The following DPP6 variants were observed in gnomAD, a reference collection of about 807,000 sequenced individuals.
DPP6 encodes the protein dipeptidyl peptidase like 6.
DPP6 carries 69 observed loss-of-function variants against 122.6 expected under a neutral mutation model. The ratio of observed to expected loss-of-function variants is 0.56; its 90% CI spans 0.46 to 0.69. The LOEUF is 0.69. Among genes scored for constraint, DPP6 ranks in the 30% least tolerant of loss-of-function variants. The pLI is 0.00. For missense variants in DPP6, 928 were observed against 1,116.9 expected (o/e 0.83, Z 2.41); for synonymous variants, 418 against 433.1 (o/e 0.97, Z 0.43).
At chr7:154,004,727 CATT>C (rs1254660402) in intron 1 of DPP6, among the ~76,000 whole-genome samples, 1 of 151,754 alleles carries the variant, frequency 6.6e-6, no homozygotes, top group African/African-American at 2.4e-5. Context: ...GTCCCTATAA[CATT>C]ATGTGGAATG....
chr7:154,865,145 G>A (rs1803750468), intron 17 of DPP6, among the ~76,000 whole-genome samples: 1 of 152,174 alleles, frequency 6.6e-6, no homozygotes, highest in Admixed American at 6.5e-5. Flanking sequence ...CCCCCCAGCT[G>A]AAGCCCTTTC....
intron 10 of DPP6, among the ~76,000 whole-genome samples, chr7:154,779,051 C>CCCACCACCA (rs1796818589): frequency 1.5e-4 from 1 of 6,634 alleles, no homozygotes; most frequent in Admixed American, 1.9e-3. Flanking sequence ...CACAACTACC[C>CCCACCACCA]CCACCATCAC....
chr7:154,361,308 A>G (rs1041572024), intron 1 of DPP6, among the ~76,000 whole-genome samples: 5 of 152,170 alleles, frequency 3.3e-5, no homozygotes, highest in African/African-American at 7.2e-5. Flanking sequence ...AAGATACCCA[A>G]TAAAGTGTAT....
chr7:153,958,420 A>C (rs1181745357), intron 1 of DPP6, among the ~76,000 whole-genome samples: 1 of 152,090 alleles, frequency 6.6e-6, no homozygotes, highest in Non-Finnish European at 1.5e-5. Flanking sequence ...CACGCATCCT[A>C]TTCTCTTGGG....
chr7:154,358,123 T>C (rs563491070), intron 1 of DPP6, among the ~76,000 whole-genome samples: 1 of 152,296 alleles, frequency 6.6e-6, no homozygotes, highest in South Asian at 2.1e-4. Flanking sequence ...CTAGAGCAGA[T>C]CATCTGTTCT....
intron 10 of DPP6, among the ~76,000 whole-genome samples, chr7:154,780,185 A>G (rs774156293): frequency 6.6e-5 from 10 of 152,212 alleles, no homozygotes; most frequent in Non-Finnish European, 1.2e-4. Flanking sequence ...TGACTAGGGT[A>G]ATGGAGAAGC....
intron 1 of DPP6, among the ~76,000 whole-genome samples, chr7:153,977,196 G>A (rs1372394168): frequency 1.3e-5 from 1 of 79,958 alleles, no homozygotes; most frequent in African/African-American, 5.6e-5. Flanking sequence ...GGTACCAATA[G>A]GGGTGTGTGT....
intron 1 of DPP6, among the ~76,000 whole-genome samples, chr7:154,007,620 A>G (rs1187330281): frequency 2.0e-5 from 3 of 152,200 alleles, no homozygotes; most frequent in Non-Finnish European, 2.9e-5. Flanking sequence ...TTGAGGTCAC[A>G]TAATTAGTTA....
chr7:154,410,357 C>A (rs1816493064), intron 1 of DPP6, among the ~76,000 whole-genome samples: 1 of 152,204 alleles, frequency 6.6e-6, no homozygotes, highest in East Asian at 1.9e-4. Context: ...TCTTCTAATT[C>A]TGCTGATAAA....
At chr7:154,065,843 A>T (rs1802677905) in intron 1 of DPP6, among the ~76,000 whole-genome samples, 2 of 151,940 alleles carry the variant, frequency 1.3e-5, no homozygotes, top group Admixed American at 1.3e-4. Context: ...GGGGCCAAGG[A>T]TGTCTTCTGA....
intron 3 of DPP6, among the ~76,000 whole-genome samples, chr7:154,507,684 C>A (rs1825765219): frequency 6.6e-6 from 1 of 152,170 alleles, no homozygotes; most frequent in Non-Finnish European, 1.5e-5. Context: ...TGTCATCTCA[C>A]CAATCATCCA....
At chr7:154,490,986 C>A (rs1824229226) in intron 3 of DPP6, among the ~76,000 whole-genome samples, 1 of 152,168 alleles carries the variant, frequency 6.6e-6, no homozygotes, top group Non-Finnish European at 1.5e-5. Flanking sequence ...CACCAGTGAA[C>A]ACGCACGTGC....
chr7:154,547,656 G>C (rs887857712), intron 4 of DPP6, among the ~76,000 whole-genome samples: 1 of 152,136 alleles, frequency 6.6e-6, no homozygotes, highest in African/African-American at 2.4e-5. Flanking sequence ...AGCACAAACT[G>C]TCTTGGTATT....
At chr7:153,863,450 C>A in the DPP6 span, among the ~76,000 whole-genome samples, 1 of 151,066 alleles carries the variant, frequency 6.6e-6, no homozygotes, top group Non-Finnish European at 1.5e-5. Context: ...TAGATTTTTC[C>A]TTTTTTCCCC....
intron 1 of DPP6, among the ~76,000 whole-genome samples, chr7:154,045,852 G>C (rs2533754): frequency 0.19 from 28,341 of 152,142 alleles, 4,226 homozygotes; most frequent in African/African-American, 0.41. Flanking sequence ...TGTAGTTCAT[G>C]ATTTCATCCT....
At chr7:154,525,382 T>A (rs1356087788) in intron 3 of DPP6, among the ~76,000 whole-genome samples, 2 of 152,174 alleles carry the variant, frequency 1.3e-5, no homozygotes, top group Non-Finnish European at 2.9e-5. Flanking sequence ...GCTCTCAAAC[T>A]CCTGGGCTCA....
chr7:154,540,222 T>G (rs1828606284), intron 3 of DPP6, among the ~76,000 whole-genome samples: 1 of 152,220 alleles, frequency 6.6e-6, no homozygotes, highest in African/African-American at 2.4e-5. Flanking sequence ...CAGTTGTCTT[T>G]GGCTCCTTGG....
intron 1 of DPP6, among the ~76,000 whole-genome samples, chr7:154,076,617 C>A (rs1803571700): frequency 6.7e-6 from 1 of 149,788 alleles, no homozygotes; most frequent in East Asian, 2.0e-4. Flanking sequence ...GGGACACACT[C>A]CATTTGAAAT....
intron 1 of DPP6, among the ~76,000 whole-genome samples, chr7:154,112,405 G>T (rs1420796217): frequency 6.6e-6 from 1 of 152,108 alleles, no homozygotes; most frequent in African/African-American, 2.4e-5. Context: ...AGTATTTTGG[G>T]AGGCTGAGGC....
Sources: gnomAD v4.1 joint callset for allele counts (sites outside exome capture counted in the v4.1 genomes callset) on GRCh38, gnomAD v4.1.1 for gene constraint, MANE v1.5 for transcripts, NCBI Gene and HGNC (gene_info 2026-07-23, HGNC 2026-07-21) for gene names.